Variants in KHDRBS2 observed in about 807,000 individuals in gnomAD.
KHDRBS2 encodes the protein KH RNA binding domain containing, signal transduction associated 2.
A neutral mutation model predicts 44.3 loss-of-function variants in KHDRBS2; 26 were observed. That is an observed-to-expected ratio of 0.59 (90% CI 0.43 to 0.81). KHDRBS2 has a LOEUF of 0.81. Among genes scored for constraint, KHDRBS2 ranks in the 40% least tolerant of loss-of-function variants. The pLI is 0.00. For synonymous variants in KHDRBS2, 194 were observed against 151.1 expected, an observed-to-expected ratio of 1.28 and a Z score of -2.08; for missense variants, 476 against 433.1, an observed-to-expected ratio of 1.10 and a Z score of -0.88.
intron 6 of KHDRBS2, among the ~76,000 whole-genome samples, chr6:61,865,235 G>T (rs1797604407): frequency 6.6e-6 from 1 of 152,106 alleles, no homozygotes; most frequent in Non-Finnish European, 1.5e-5. Flanking sequence ...GTTCAGCAAA[G>T]TTCATTTTTA....
chr6:61,599,312 T>A, the KHDRBS2 span, among the ~76,000 whole-genome samples: 93,565 of 151,884 alleles, frequency 0.62, 29,041 homozygotes, highest in Non-Finnish European at 0.65. Flanking sequence ...GCTCTCTAAA[T>A]AGTATTCTTT....
chr6:61,817,076 A>G (rs562490628), intron 6 of KHDRBS2: 4 of 405,244 alleles, frequency 9.9e-6, no homozygotes, highest in South Asian at 1.7e-5. Flanking sequence ...TTTCTAAAAA[A>G]ACTTTCCACA....
chr6:61,853,273 G>T (rs1795711594), intron 6 of KHDRBS2, among the ~76,000 whole-genome samples: 1 of 152,038 alleles, frequency 6.6e-6, no homozygotes, highest in African/African-American at 2.4e-5. Flanking sequence ...CACTGAGCTG[G>T]TTATTAAGGC....
intron 4 of KHDRBS2, among the ~76,000 whole-genome samples, chr6:61,969,027 A>G (rs1001430071): frequency 3.9e-5 from 6 of 152,076 alleles, no homozygotes; most frequent in Non-Finnish European, 7.4e-5. Flanking sequence ...AATTGTTTTG[A>G]GCTTAAGTAT....
chr6:61,930,300 G>C (rs1473701266), intron 4 of KHDRBS2, among the ~76,000 whole-genome samples: 3 of 151,884 alleles, frequency 2.0e-5, no homozygotes, highest in Admixed American at 6.6e-5. Flanking sequence ...TGTTATAGCA[G>C]CACAAATGGA....
chr6:61,956,904 T>TTCTTCATCATCA (rs1554293360), intron 4 of KHDRBS2, among the ~76,000 whole-genome samples: 3 of 148,420 alleles, frequency 2.0e-5, no homozygotes, highest in South Asian at 2.2e-4. Flanking sequence ...GTTATTGGTT[T>TTCTTCATCATCA]TCATCATCAT....
At chr6:61,766,270 G>A (rs541620588) in intron 6 of KHDRBS2, among the ~76,000 whole-genome samples, 1 of 151,908 alleles carries the variant, frequency 6.6e-6, no homozygotes, top group African/African-American at 2.4e-5. Flanking sequence ...ACATATAGTT[G>A]CTCATAGTAG....
chr6:61,727,998 C>T (rs1205987602), intron 7 of KHDRBS2, among the ~76,000 whole-genome samples: 1 of 151,998 alleles, frequency 6.6e-6, no homozygotes, highest in Admixed American at 6.6e-5. Context: ...GCACTATTCA[C>T]AATAGCAAAG....
At chr6:62,049,630 A>G (rs1031715645) in intron 2 of KHDRBS2, among the ~76,000 whole-genome samples, 1 of 151,968 alleles carries the variant, frequency 6.6e-6, no homozygotes, top group Non-Finnish European at 1.5e-5. Flanking sequence ...TTTCTCTTGT[A>G]AATTTGTCTT....
At chr6:62,123,270 T>A (rs1413474914) in intron 2 of KHDRBS2, among the ~76,000 whole-genome samples, 4 of 152,232 alleles carry the variant, frequency 2.6e-5, no homozygotes, top group African/African-American at 9.6e-5. Flanking sequence ...GGTGTATATG[T>A]GCCACATTTT....
At chr6:61,697,288 T>C in intron 7 of KHDRBS2, 35 bp from the exon 8 acceptor site, 3 of 1,379,428 alleles carry the variant, frequency 2.2e-6, no homozygotes, top group Non-Finnish European at 3.1e-6. Context: ...AATGTTACTA[T>C]AACCAGGAAA....
chr6:61,567,570 G>A, the KHDRBS2 span, among the ~76,000 whole-genome samples: 2 of 152,198 alleles, frequency 1.3e-5, no homozygotes, highest in African/African-American at 4.8e-5. Context: ...GAGCCTGGGA[G>A]TTTGCGCCTG....
At chr6:62,216,681 A>T (rs1245198318) in intron 1 of KHDRBS2, among the ~76,000 whole-genome samples, 2 of 137,638 alleles carry the variant, frequency 1.5e-5, no homozygotes, top group Non-Finnish European at 3.1e-5. Context: ...TAATCTAAAC[A>T]TATTTCTTTC....
At chr6:62,128,592 A>G (rs1809520451) in intron 2 of KHDRBS2, among the ~76,000 whole-genome samples, 1 of 151,196 alleles carries the variant, frequency 6.6e-6, no homozygotes, top group African/African-American at 2.4e-5. Context: ...TTCTCTTTTT[A>G]TGGCGAATGT....
rs144532984 is a variant in KHDRBS2, at chr6:61,694,791, T to C, written c.952+2404A>G. 3.4e-3 allele frequency among the ~76,000 whole-genome samples: 519 copies of C among 152,260 alleles called. 6 individuals carry two copies. The highest frequency in any genetic ancestry group is 0.012 in the African/African-American group (488 of 41,554). On this transcript the variant is annotated intron_variant, in intron 8 of 8. Transcript: ENST00000281156. ...GGAAATTATATAAGGAACAAAATTA[T>C]AGCTGCACTTCCTATGGCAGCTTAT...
At chr6:61,881,322 C>T (rs189665104) in intron 6 of KHDRBS2, among the ~76,000 whole-genome samples, 2 of 151,006 alleles carry the variant, frequency 1.3e-5, no homozygotes, top group Non-Finnish European at 2.9e-5. Flanking sequence ...TAGTCAGTTA[C>T]TCTCCTAACC....
chr6:61,568,606 G>A, the KHDRBS2 span, among the ~76,000 whole-genome samples: 1 of 132,786 alleles, frequency 7.5e-6, no homozygotes, highest in African/African-American at 3.0e-5. Flanking sequence ...GTGAGAGTGG[G>A]AAACCTGACT....
chr6:61,655,075 A>G, the KHDRBS2 span, among the ~76,000 whole-genome samples: 1 of 151,870 alleles, frequency 6.6e-6, no homozygotes, highest in Non-Finnish European at 1.5e-5. Flanking sequence ...AGAAAGGGCA[A>G]AAAGTGGATT....
chr6:61,874,299 G>GATACCTCTTT (rs1484935850), intron 6 of KHDRBS2, among the ~76,000 whole-genome samples: 1 of 152,022 alleles, frequency 6.6e-6, no homozygotes, highest in Non-Finnish European at 1.5e-5. Flanking sequence ...TCTAATATTT[G>GATACCTCTTT]ATACCTCTTT....
Sources: gnomAD v4.1 joint callset for allele counts (sites outside exome capture counted in the v4.1 genomes callset) on GRCh38, gnomAD v4.1.1 for gene constraint, MANE v1.5 for transcripts, NCBI Gene and HGNC (gene_info 2026-07-23, HGNC 2026-07-21) for gene names.